Variants in GDPD1 observed in about 807,000 individuals in gnomAD.
The protein encoded by GDPD1 is lysophospholipase D GDPD1.
GDPD1 carries 28 observed loss-of-function variants against 45.1 expected under a neutral mutation model. That is an observed-to-expected ratio of 0.62 (90% CI 0.46 to 0.85). The LOEUF (loss-of-function observed/expected upper bound fraction) is 0.85, where lower values mean the gene tolerates loss of function less well. Ranked by LOEUF, GDPD1 falls within the 40% of genes least tolerant of loss-of-function variation. The pLI, the probability that GDPD1 is intolerant of heterozygous loss-of-function variation, is 0.00. For synonymous variants in GDPD1, 139 were observed against 131.4 expected, an observed-to-expected ratio of 1.06 and a Z score of -0.40; for missense variants, 256 against 364.8, an observed-to-expected ratio of 0.70 and a Z score of 2.43.
rs765617283 is a variant in GDPD1, at chr17:59,273,757, A to G, written c.929A>G (p.His310Arg). The stretch of plus-strand genomic sequence containing the variant: ...CCAACAAAGCTTAGGGATTTTTTAC[A>G]TAACTTTTCAGCATAGAAAAAGAGG... ...DYPTKLRDFL[H>R]NFSA Residue 310 changes from histidine (H) to arginine (R), a missense_variant, in exon 10 of 10, where the codon CAT (histidine) becomes CGT (arginine). Coordinates refer to ENST00000284116, the MANE Select transcript of GDPD1 (RefSeq NM_182569.4). 21 of 1,576,088 alleles carry G rather than the reference A, an allele frequency of 1.3e-5. No homozygotes were observed. The South Asian group carries it at 1.9e-4, about 14-fold the overall frequency.
chr17:59,221,877 G>A (rs1356905573), intron 1 of GDPD1, among the ~76,000 whole-genome samples: 1 of 152,012 alleles, frequency 6.6e-6, no homozygotes, highest in Non-Finnish European at 1.5e-5. Context: ...TATTGGCCAA[G>A]GAAAAAGGTT....
Position 59,255,756 on chromosome 17 carries a change from A to AT in GDPD1, c.368-1366_368-1365insT, listed in dbSNP as rs2047292649. Among the ~76,000 whole-genome samples the AT allele has an allele frequency of 1.4e-4, 11 of 80,802 alleles. 1 individual carries two copies. The highest frequency in any genetic ancestry group is 8.1e-4 in the African/African-American group (10 of 12,272). 53.0% of individuals were successfully genotyped at this position (80,802 alleles called of 152,430 possible). On this transcript the variant is annotated intron_variant, in intron 4 of 9. Transcript: ENST00000284116. ...GAAACTCCGTCTCAAAAAAAAAAAA[A>AT]AAAAAAATATATATATATATATATA...
intron 6 of GDPD1, among the ~76,000 whole-genome samples, chr17:59,263,694 G>A (rs964235771): frequency 6.6e-6 from 1 of 151,258 alleles, no homozygotes; most frequent in Non-Finnish European, 1.5e-5. Context: ...TGGTCAGGCC[G>A]GTCTTGAACT....
At chr17:59,271,352 A>G (rs2047442560) in intron 8 of GDPD1, among the ~76,000 whole-genome samples, 3 of 152,298 alleles carry the variant, frequency 2.0e-5, no homozygotes, top group Admixed American at 1.3e-4. Flanking sequence ...AGTATATATA[A>G]AAGTGTATGT....
rs559556932 is a variant in GDPD1, at chr17:59,244,872, T to A, written c.186-542T>A. 2.6e-5 allele frequency among the ~76,000 whole-genome samples: 4 copies of A among 152,204 alleles called. No homozygotes were observed. The South Asian group carries it at 8.3e-4, about 32-fold the overall frequency. On this transcript the variant is annotated intron_variant, in intron 2 of 9. Transcript: ENST00000284116. Reference sequence around the variant, plus strand: ...TTAGCTGGGCACAGTGGCATCCATCTGTAGTTCCAGCTACTCAGTAGGCTG... The same window carrying A: ...TTAGCTGGGCACAGTGGCATCCATCAGTAGTTCCAGCTACTCAGTAGGCTG...
chr17:59,228,784 GA>G, intron 1 of GDPD1, among the ~76,000 whole-genome samples: 1 of 151,652 alleles, frequency 6.6e-6, no homozygotes, highest in East Asian at 2.0e-4. Context: ...GGGAGGCTGA[GA>G]CTGGAAGATT....
intron 2 of GDPD1, among the ~76,000 whole-genome samples, chr17:59,239,614 C>T (rs192532356): frequency 6.6e-6 from 1 of 152,032 alleles, no homozygotes; most frequent in East Asian, 1.9e-4. Flanking sequence ...TATTATTGTT[C>T]TAATTTTTTT....
chr17:59,241,311 G>GTACT (rs2047174060), intron 2 of GDPD1, among the ~76,000 whole-genome samples: 1 of 152,094 alleles, frequency 6.6e-6, no homozygotes, highest in Non-Finnish European at 1.5e-5. Flanking sequence ...GTGAGCTAGT[G>GTACT]TATTTATTTA....
At chr17:59,251,859 ATAT>A (rs879701046) in intron 4 of GDPD1, among the ~76,000 whole-genome samples, 2 of 151,298 alleles carry the variant, frequency 1.3e-5, no homozygotes, top group Non-Finnish European at 2.9e-5. Flanking sequence ...AATAAAAATA[ATAT>A]TAGCCAGGCA....
At chr17:59,255,050 C>A (rs1354485089) in intron 4 of GDPD1, among the ~76,000 whole-genome samples, 1 of 152,062 alleles carries the variant, frequency 6.6e-6, no homozygotes, top group African/African-American at 2.4e-5. Context: ...CCTTTTTTTC[C>A]CCTTTAATGT....
Position 59,257,193 on chromosome 17 carries a change from C to A in GDPD1, c.439C>A (p.Pro147Thr). ...KEVFEAFPNT[P>T]INIDIKVNNN... ...AGTTTTTGAGGCCTTTCCTAACACT[C>A]CCATTAACATCGATATCAAAGTCAA... The change falls in exon 5 of 10, where the codon CCC becomes ACC. Residue 147 changes from proline to threonine, a missense_variant. Physicochemically the swap from Pro to Thr is conservative, Grantham distance 38. Coordinates refer to ENST00000284116, the MANE Select transcript of GDPD1 (RefSeq NM_182569.4). 6.2e-7 allele frequency: 1 copy of A among 1,604,452 alleles called. No individual in the cohort carries two copies. Among genetic ancestry groups the A allele is most frequent in the South Asian group, 1.1e-5 (1 of 89,426 alleles).
chr17:59,270,077 G>A (rs1422222012), intron 7 of GDPD1, among the ~76,000 whole-genome samples: 1 of 152,048 alleles, frequency 6.6e-6, no homozygotes, highest in African/African-American at 2.4e-5. Flanking sequence ...ACAATATAGT[G>A]ATTGTTTAAT....
chr17:59,221,600 A>T lies in GDPD1; in HGVS notation c.142+849A>T, dbSNP rs558264907. Among the ~76,000 whole-genome samples, 6 of 152,290 alleles carry T rather than the reference A, an allele frequency of 3.9e-5. No homozygotes were observed. In the East Asian group the frequency reaches 9.6e-4, roughly 24 times the overall value. On this transcript the variant is annotated intron_variant, in intron 1 of 9. Transcript: ENST00000284116. ...AAAAGTGTTTTGCTAAAAGGAGCCC[A>T]GGTAGTCCACCCTCTAATTTCCCAG...
intron 7 of GDPD1, among the ~76,000 whole-genome samples, chr17:59,268,919 G>A (rs2047422205): frequency 6.6e-6 from 1 of 151,900 alleles, no homozygotes; most frequent in African/African-American, 2.4e-5. Context: ...GAACACGGGG[G>A]GCAGAAGTTG....
chr17:59,269,125 C>T (rs554455875), intron 7 of GDPD1, among the ~76,000 whole-genome samples: 2 of 152,136 alleles, frequency 1.3e-5, no homozygotes, highest in African/African-American at 4.8e-5. Flanking sequence ...GGTGAAACCC[C>T]GTCTCTACTA....
At chr17:59,242,474 C>T (rs1380011060) in intron 2 of GDPD1, among the ~76,000 whole-genome samples, 5 of 152,236 alleles carry the variant, frequency 3.3e-5, no homozygotes. Context: ...GGCCTGCTCA[C>T]TTTCCTACTC....
rs144783620 is a variant in GDPD1, at chr17:59,262,230, G to A, written c.576+4390G>A. Among the ~76,000 whole-genome samples, 26 of 152,126 alleles carry A rather than the reference G, an allele frequency of 1.7e-4. 1 individual carries two copies. The East Asian group carries it at 5.0e-3, about 29-fold the overall frequency. ...GGCATTTTTTTAAAAATAAAAATAC[G>A]TTACCAGGGAGATGCAGCCTTCCAT... On this transcript the variant is annotated intron_variant, in intron 6 of 9. Transcript: ENST00000284116.
rs1191476417 is a variant in GDPD1 at position 59,220,619 on chromosome 17, A to G, written c.10A>G (p.Thr4Ala). 1.2e-6 allele frequency: 2 copies of G among 1,613,786 alleles called. No individual in the cohort carries two copies. Among genetic ancestry groups the G allele is most frequent in the African/African-American group, 1.3e-5 (1 of 75,064 alleles). MSS[T>A]AAFYLLSTLG... ...CCACACGGTGACTGAGATGTCGTCC[A>G]CTGCGGCTTTTTACCTTCTCTCTAC... is the stretch of plus-strand genomic sequence containing the variant. Residue 4 changes from threonine (T) to alanine (A), a missense_variant, in exon 1 of 10, where the codon ACT (threonine) becomes GCT (alanine). Transcript: ENST00000284116.
chr17:59,226,001 A>C (rs1341345652), intron 1 of GDPD1, among the ~76,000 whole-genome samples: 6 of 152,298 alleles, frequency 3.9e-5, no homozygotes, highest in South Asian at 2.1e-4. Flanking sequence ...GATTACAGGC[A>C]TGAGCCACCG....
Sources: gnomAD v4.1 joint callset for allele counts (sites outside exome capture counted in the v4.1 genomes callset) on GRCh38, gnomAD v4.1.1 for gene constraint, MANE v1.5 for transcripts, NCBI Gene and HGNC (gene_info 2026-07-23, HGNC 2026-07-21) for gene names.